BLM: variants seen among roughly 807,000 people sequenced by gnomAD.
BLM encodes BLM RecQ like helicase, also known as recQ-like DNA helicase BLM.
In BLM, 95 loss-of-function variants were observed where a neutral mutation model predicts 135.3. The observed-to-expected ratio is 0.70, with a 90% CI of 0.59 to 0.83. The LOEUF (loss-of-function observed/expected upper bound fraction) is 0.83, where lower values mean the gene tolerates loss of function less well. BLM is among the 40% of genes least tolerant of loss of function. The probability of loss-of-function intolerance (pLI) is 0.00; values close to 1 mark genes in which losing one functional copy is unlikely to be tolerated. For missense variants in BLM, 1,518 were observed against 1,663.9 expected (o/e 0.91, Z 1.53); for synonymous variants, 520 against 589.2 (o/e 0.88, Z 1.70).
chr15:90,751,718 G>T, intron 3 of BLM, 69 bp from the exon 4 acceptor site: 3 of 1,372,530 alleles, frequency 2.2e-6, no homozygotes, highest in South Asian at 1.2e-5. Context: ...ATTCTTAATC[G>T]CTCATGCCCT....
At chr15:90,733,924 A>G (rs994773230) in intron 1 of BLM, among the ~76,000 whole-genome samples, 2 of 152,226 alleles carry the variant, frequency 1.3e-5, no homozygotes, top group African/African-American at 4.8e-5. Flanking sequence ...TTTACACAGC[A>G]TAATTATTTT....
intron 12 of BLM, among the ~76,000 whole-genome samples, chr15:90,780,748 A>G (rs1483369869): frequency 6.6e-6 from 1 of 152,260 alleles, no homozygotes; most frequent in Non-Finnish European, 1.5e-5. Flanking sequence ...ACTCTGCTGT[A>G]TCCTCCCGCC....
intron 2 of BLM, among the ~76,000 whole-genome samples, chr15:90,748,222 C>T (rs1472258324): frequency 2.6e-5 from 4 of 152,120 alleles, no homozygotes; most frequent in Non-Finnish European, 5.9e-5. Flanking sequence ...GATTCTCCTG[C>T]CTCAGCCTCC....
At chr15:90,750,997 T>A (rs1460951494) in intron 3 of BLM, among the ~76,000 whole-genome samples, 1 of 152,256 alleles carries the variant, frequency 6.6e-6, no homozygotes. Context: ...GCCTTTCTAC[T>A]GTAATTCCTT....
intron 14 of BLM, among the ~76,000 whole-genome samples, chr15:90,787,674 T>G (rs2151181967): frequency 6.6e-6 from 1 of 152,162 alleles, no homozygotes; most frequent in East Asian, 1.9e-4. Flanking sequence ...TATGGCCAGG[T>G]GCAGTGGCTC....
chr15:90,779,758 T>C (rs904319690), intron 12 of BLM, among the ~76,000 whole-genome samples: 2 of 152,220 alleles, frequency 1.3e-5, no homozygotes, highest in African/African-American at 4.8e-5. Context: ...TTATTCTCAG[T>C]ATATCTGAAA....
At chr15:90,745,363 T>G (rs1336112733) in intron 1 of BLM, among the ~76,000 whole-genome samples, 1 of 152,174 alleles carries the variant, frequency 6.6e-6, no homozygotes, top group Admixed American at 6.5e-5. Flanking sequence ...TGAATATCAT[T>G]TTTTATTTAT....
intron 12 of BLM, among the ~76,000 whole-genome samples, chr15:90,770,813 GAGA>G (rs1471009627): frequency 6.6e-6 from 1 of 152,212 alleles, no homozygotes; most frequent in Non-Finnish European, 1.5e-5. Context: ...AGAGGGTTAT[GAGA>G]AGAACTGAAG....
intron 13 of BLM, among the ~76,000 whole-genome samples, chr15:90,783,762 G>A (rs573113483): frequency 3.3e-5 from 5 of 152,106 alleles, no homozygotes; most frequent in Admixed American, 6.6e-5. Context: ...GTGGTGGCAC[G>A]CACCTGTAAT....
chr15:90,798,875 C>T lies in BLM; in HGVS notation c.3358+538C>T, dbSNP rs372855324. Among the ~76,000 whole-genome samples the T allele has an allele frequency of 6.8e-4, 104 of 152,146 alleles. 1 individual carries two copies. In the South Asian group the frequency reaches 0.02, roughly 29 times the overall value. The stretch of plus-strand genomic sequence containing the variant: ...GCATGCACCTGTAATCCCAGCTACT[C>T]GGGAGGCTGAGGCAGGAGAATCGCT... On this transcript the variant is annotated intron_variant, in intron 17 of 21. Transcript: ENST00000355112.
intron 19 of BLM, among the ~76,000 whole-genome samples, chr15:90,807,948 A>G (rs1457056776): frequency 1.3e-5 from 2 of 152,244 alleles, no homozygotes; most frequent in African/African-American, 4.8e-5. Flanking sequence ...CCATTTAGCC[A>G]TCAGCAGTTC....
At chr15:90,737,660 G>A (rs986649269) in intron 1 of BLM, among the ~76,000 whole-genome samples, 11 of 152,072 alleles carry the variant, frequency 7.2e-5, no homozygotes, top group South Asian at 2.1e-4. Context: ...AAAACTCATG[G>A]AATACAGTGA....
chr15:90,788,471 G>GTTT lies in BLM; in HGVS notation c.2824-2157_2824-2155dup, dbSNP rs35158343. ...TATTTAACCCAAATGCCAGTGTTTT[G>GTTT]TTTTTTTTTTTTTTTTTTTTTTTGG... On this transcript the variant is annotated intron_variant, in intron 14 of 21. Coordinates refer to ENST00000355112, the MANE Select transcript of BLM (RefSeq NM_000057.4). Among the ~76,000 whole-genome samples the GTTT allele has an allele frequency of 1.8e-3, 170 of 94,960 alleles. 1 individual carries two copies. Among genetic ancestry groups the GTTT allele is most frequent in the African/African-American group, 5.0e-3 (126 of 25,152 alleles). 62.3% of individuals were successfully genotyped at this position (94,960 alleles called of 152,430 possible).
chr15:90,746,940 G>C (rs1488246045), intron 1 of BLM, among the ~76,000 whole-genome samples: 1 of 152,130 alleles, frequency 6.6e-6, no homozygotes, highest in Non-Finnish European at 1.5e-5. Context: ...CCTTTCCCCA[G>C]TTCTGCCCTT....
intron 14 of BLM, among the ~76,000 whole-genome samples, chr15:90,789,921 T>G (rs998225525): frequency 1.3e-5 from 2 of 149,790 alleles, no homozygotes; most frequent in African/African-American, 4.9e-5. Context: ...ATCAAGCTCC[T>G]GAGAGTGAAC....
intron 4 of BLM, 64 bp downstream of exon 4, chr15:90,752,010 GT>G: frequency 7.3e-7 from 1 of 1,368,982 alleles, no homozygotes; most frequent in Non-Finnish European, 1.0e-6. Flanking sequence ...GTTTAATTTA[GT>G]TTATAATATC....
At chr15:90,724,437 GT>G (rs574334127) in intron 1 of BLM, among the ~76,000 whole-genome samples, 20 of 152,048 alleles carry the variant, frequency 1.3e-4, no homozygotes, top group Non-Finnish European at 2.4e-4. Flanking sequence ...AATGTGTGGT[GT>G]TTTTTTTCCC....
chr15:90,730,343 T>C (rs1895033777), intron 1 of BLM, among the ~76,000 whole-genome samples: 2 of 152,194 alleles, frequency 1.3e-5, no homozygotes, highest in Non-Finnish European at 2.9e-5. Context: ...CATTCTGGAA[T>C]TGTTCCTGAT....
At chr15:90,731,154 T>G (rs1038067238) in intron 1 of BLM, among the ~76,000 whole-genome samples, 2 of 152,134 alleles carry the variant, frequency 1.3e-5, no homozygotes, top group Non-Finnish European at 2.9e-5. Context: ...CTGCCCAGGC[T>G]GGTCTCAATC....
Sources: allele counts gnomAD v4.1 joint callset (sites outside exome capture counted in the v4.1 genomes callset), GRCh38; gene constraint gnomAD v4.1.1; transcripts MANE v1.5; gene names NCBI Gene and HGNC (gene_info 2026-07-23, HGNC 2026-07-21).